Variants in G3BP2 observed in about 807,000 individuals in gnomAD.
The protein encoded by G3BP2 is G3BP stress granule assembly factor 2.
Under a neutral mutation model 56.7 loss-of-function variants are expected in G3BP2, and 11 were observed. That is an observed-to-expected ratio of 0.19 (90% CI 0.12 to 0.32). G3BP2 has a LOEUF of 0.32. G3BP2 is among the 10% of genes least tolerant of loss of function. The pLI is 1.00. For synonymous variants in G3BP2, 165 were observed against 191.6 expected, an observed-to-expected ratio of 0.86 and a Z score of 1.15; for missense variants, 340 against 610.9, an observed-to-expected ratio of 0.56 and a Z score of 4.67.
At chr4:75,696,877 A>G (rs1044723674) in intron 3 of G3BP2, among the ~76,000 whole-genome samples, 2 of 152,172 alleles carry the variant, frequency 1.3e-5, no homozygotes, top group African/African-American at 4.8e-5. Flanking sequence ...TAGATGCCCT[A>G]CAATACTCGA....
At chr4:75,654,570 AAAG>A (rs996839106) in intron 7 of G3BP2, among the ~76,000 whole-genome samples, 13 of 152,362 alleles carry the variant, frequency 8.5e-5, no homozygotes, top group African/African-American at 2.9e-4. Flanking sequence ...AAGAAAGATA[AAAG>A]AAGTTTCAGG....
intron 3 of G3BP2, among the ~76,000 whole-genome samples, chr4:75,683,084 C>G (rs552948977): frequency 3.3e-4 from 51 of 152,286 alleles, no homozygotes; most frequent in Non-Finnish European, 6.2e-4. Context: ...CAGCCAGTCC[C>G]TCATGCAGGG....
In G3BP2 at chr4:75,645,219, A is replaced by C; in HGVS notation, c.*211T>G. 1 of 581,538 alleles carries C rather than the reference A, an allele frequency of 1.7e-6. No individual in the cohort carries two copies. Among genetic ancestry groups the C allele is most frequent in the Admixed American group, 3.3e-5 (1 of 30,286 alleles). 36.0% of individuals were successfully genotyped at this position (581,538 alleles called of 1,614,324 possible). On this transcript the variant is annotated 3_prime_UTR_variant, in exon 12 of 12. Transcript: ENST00000359707. ...GTCATTTCTCAGTCCTTAATTCTCCAAGTCTAGATTTATAAATTAACAATG... is the reference window on the plus strand; with the variant it reads ...GTCATTTCTCAGTCCTTAATTCTCCCAGTCTAGATTTATAAATTAACAATG...
chr4:75,657,664 C>T lies in G3BP2; in HGVS notation c.244G>A (p.Ala82Thr). 6.2e-7 allele frequency: 1 copy of T among 1,612,054 alleles called. No individual in the cohort carries two copies. The highest frequency in any genetic ancestry group is 8.5e-7 in the Non-Finnish European group (1 of 1,178,172). Residue 82 changes from alanine (A) to threonine (T), a missense_variant, in exon 4 of 12, where the codon GCT (alanine) becomes ACT (threonine). By Grantham distance (58) the Ala-to-Thr change is moderately conservative. Coordinates refer to ENST00000359707, the MANE Select transcript of G3BP2 (RefSeq NM_203505.3). ...ACTCCATCACTCAAGGTTGCATGAG[C>T]ATCCACATGACGAATTTTAGTATGA... is the stretch of plus-strand genomic sequence containing the variant. ...ECHTKIRHVD[A>T]HATLSDGVVV... is the part of the protein sequence containing the mutation.
chr4:75,716,893 A>G (rs1719950681), intron 3 of G3BP2, among the ~76,000 whole-genome samples: 1 of 152,208 alleles, frequency 6.6e-6, no homozygotes, highest in Non-Finnish European at 1.5e-5. Context: ...GACAGAGGCC[A>G]AACAGAAGAC....
chr4:75,665,183 C>T (rs948531681), intron 1 of G3BP2, among the ~76,000 whole-genome samples: 4 of 152,170 alleles, frequency 2.6e-5, no homozygotes, highest in African/African-American at 7.2e-5. Flanking sequence ...AATTCAACTT[C>T]TACATTATGT....
chr4:75,664,780 C>G (rs1322782999), intron 1 of G3BP2, among the ~76,000 whole-genome samples: 2 of 152,008 alleles, frequency 1.3e-5, no homozygotes, highest in African/African-American at 4.8e-5. Context: ...ACCTGGGGGA[C>G]AAAGGTTGCA....
upstream of G3BP2, among the ~76,000 whole-genome samples, chr4:75,675,687 G>T (rs1733849858): frequency 6.6e-6 from 1 of 152,204 alleles, no homozygotes; most frequent in Non-Finnish European, 1.5e-5. Context: ...AGCTACTCGG[G>T]AGGCTGAGGC....
intron 9 of G3BP2, among the ~76,000 whole-genome samples, chr4:75,647,803 T>C (rs1181137439): frequency 6.6e-6 from 1 of 152,228 alleles, no homozygotes; most frequent in Non-Finnish European, 1.5e-5. Context: ...TTTGGTAACA[T>C]ATCACTTTAA....
intron 1 of G3BP2, among the ~76,000 whole-genome samples, chr4:75,667,013 G>A (rs991520188): frequency 1.3e-5 from 2 of 152,196 alleles, no homozygotes; most frequent in East Asian, 1.9e-4. Context: ...AAGGCCTGGT[G>A]CAGTGGCTCA....
At chr4:75,681,227 G>A (rs1232212355) in intron 3 of G3BP2, among the ~76,000 whole-genome samples, 4 of 151,956 alleles carry the variant, frequency 2.6e-5, no homozygotes, top group African/African-American at 9.7e-5. Flanking sequence ...GGGAGGCTGA[G>A]GCAGGAGAAT....
intron 3 of G3BP2, among the ~76,000 whole-genome samples, chr4:75,709,360 C>T (rs1423413058): frequency 2.4e-5 from 3 of 123,720 alleles, no homozygotes; most frequent in African/African-American, 9.4e-5. Context: ...GCAGAGGTTG[C>T]AGTGAGCTGA....
At chr4:75,645,820 C>T (rs1371091329) in intron 11 of G3BP2, 118 bp from the exon 12 acceptor site, 39 of 846,756 alleles carry the variant, frequency 4.6e-5, no homozygotes, top group Non-Finnish European at 7.0e-5. Flanking sequence ...CAGCCCCCCA[C>T]CCCCCAGAGA....
chr4:75,655,838 C>T lies in G3BP2; in HGVS notation c.475G>A (p.Glu159Lys), dbSNP rs1358125520. The T allele has an allele frequency of 1.3e-6, 2 of 1,591,556 alleles. No individual in the cohort carries two copies. Among genetic ancestry groups the T allele is most frequent in the Admixed American group, 1.7e-5 (1 of 59,942 alleles). The change falls in exon 6 of 12, where the codon GAA (glutamate) becomes AAA (lysine). Residue 159 changes from glutamate (E) to lysine (K), a missense_variant. By Grantham distance (56) the Glu-to-Lys change is moderately conservative. Around this residue, in one of 4 missense-constraint regions of G3BP2, gnomAD observed 224 missense variants for 332.5 expected, o/e 0.67. Transcript: ENST00000359707. Reference sequence around the variant, plus strand: ...ACAGGTTCAGGAGATGGTTGTCTTTCTTCTTGTTCCTCTTCTACTTCATCT... The same window carrying T: ...ACAGGTTCAGGAGATGGTTGTCTTTTTTCTTGTTCCTCTTCTACTTCATCT... ...SEDEVEEEQE[E>K]RQPSPEPVQE...
intron 1 of G3BP2, 141 bp downstream of exon 1, chr4:75,673,067 G>A (rs1396821533): frequency 9.9e-7 from 1 of 1,010,886 alleles, no homozygotes; most frequent in African/African-American, 1.7e-5. Flanking sequence ...ACCGTAGGGA[G>A]CCGGCAAGAA....
chr4:75,710,009 G>C (rs1719696698), intron 3 of G3BP2, among the ~76,000 whole-genome samples: 1 of 152,006 alleles, frequency 6.6e-6, no homozygotes, highest in Non-Finnish European at 1.5e-5. Flanking sequence ...CCATTTAATG[G>C]GAAAAAAGAG....
chr4:75,692,607 G>T (rs1718910144), intron 3 of G3BP2, among the ~76,000 whole-genome samples: 1 of 152,078 alleles, frequency 6.6e-6, no homozygotes, highest in Non-Finnish European at 1.5e-5. Context: ...ACTGCACCCG[G>T]CGTCAGTTCT....
intron 1 of G3BP2, among the ~76,000 whole-genome samples, chr4:75,665,079 T>C (rs1016801022): frequency 6.6e-6 from 1 of 152,228 alleles, no homozygotes; most frequent in African/African-American, 2.4e-5. Context: ...GCATAGGTCA[T>C]TAAAATTGTG....
At chr4:75,664,102 T>C (rs1732795131) in intron 1 of G3BP2, among the ~76,000 whole-genome samples, 1 of 151,508 alleles carries the variant, frequency 6.6e-6, no homozygotes, top group South Asian at 2.1e-4. Flanking sequence ...CAGACTGGTC[T>C]TGAACTCCTG....
Sources: allele counts gnomAD v4.1 joint callset (sites outside exome capture counted in the v4.1 genomes callset), GRCh38; gene constraint gnomAD v4.1.1; regional missense constraint gnomAD v4.1.1; transcripts MANE v1.5; gene names NCBI Gene and HGNC (gene_info 2026-07-23, HGNC 2026-07-21).